The following KAT6A variants were observed in gnomAD, a reference collection of about 807,000 sequenced individuals.
KAT6A encodes histone acetyltransferase KAT6A.
Under a neutral mutation model 198.4 loss-of-function variants are expected in KAT6A, and 9 were observed. The observed-to-expected ratio is 0.05, with a 90% CI of 0.03 to 0.08. KAT6A has a LOEUF of 0.08. Ranked by LOEUF, KAT6A falls within the 10% of genes least tolerant of loss-of-function variation. The pLI, the probability that KAT6A is intolerant of heterozygous loss-of-function variation, is 1.00. For synonymous variants in KAT6A, 890 were observed against 883.0 expected, an observed-to-expected ratio of 1.01 and a Z score of -0.14; for missense variants, 2,077 against 2,509.9, an observed-to-expected ratio of 0.83 and a Z score of 3.69.
chr8:41,942,625 A>C, intron 14 of KAT6A, 168 bp downstream of exon 14: 1 of 741,716 alleles, frequency 1.3e-6, no homozygotes, highest in Non-Finnish European at 2.1e-6. Context: ...ATACTTAAGT[A>C]AACCAGGTCC....
At chr8:42,046,819 T>C (rs1802332510) in intron 2 of KAT6A, among the ~76,000 whole-genome samples, 1 of 152,210 alleles carries the variant, frequency 6.6e-6, no homozygotes, top group African/African-American at 2.4e-5. Context: ...ATGCTCAAAT[T>C]ACATAGAGCC....
intron 3 of KAT6A, among the ~76,000 whole-genome samples, chr8:41,985,854 TA>T (rs913058931): frequency 7.9e-5 from 12 of 152,232 alleles, no homozygotes; most frequent in Non-Finnish European, 1.6e-4. Context: ...GTTATCACTA[TA>T]AAACACTGAA....
chr8:42,004,149 A>T (rs1476700759), intron 2 of KAT6A, among the ~76,000 whole-genome samples: 1 of 152,212 alleles, frequency 6.6e-6, no homozygotes. Flanking sequence ...ATATATAATA[A>T]AACTAGCTCC....
At chr8:42,045,620 A>G (rs957022428) in intron 2 of KAT6A, among the ~76,000 whole-genome samples, 4 of 151,602 alleles carry the variant, frequency 2.6e-5, no homozygotes, top group Non-Finnish European at 5.9e-5. Flanking sequence ...GCAAATGGGC[A>G]TTTCTTTTTC....
At chr8:41,996,872 A>T (rs1193579543) in intron 2 of KAT6A, among the ~76,000 whole-genome samples, 1 of 152,212 alleles carries the variant, frequency 6.6e-6, no homozygotes, top group African/African-American at 2.4e-5. Flanking sequence ...CTTATGTTCA[A>T]CTATAATTAT....
chr8:42,042,188 G>A (rs1827701489), intron 2 of KAT6A, among the ~76,000 whole-genome samples: 1 of 152,204 alleles, frequency 6.6e-6, no homozygotes, highest in African/African-American at 2.4e-5. Context: ...GCCGGGCACG[G>A]TGGCTCACGC....
chr8:42,022,924 G>A (rs910995304), intron 2 of KAT6A, among the ~76,000 whole-genome samples: 1 of 152,158 alleles, frequency 6.6e-6, no homozygotes, highest in Admixed American at 6.5e-5. Flanking sequence ...TAATGATGGG[G>A]ATTCATGCTG....
At chr8:41,979,134 G>A (rs1006808655) in intron 5 of KAT6A, among the ~76,000 whole-genome samples, 1 of 151,638 alleles carries the variant, frequency 6.6e-6, no homozygotes, top group African/African-American at 2.4e-5. Context: ...TGGGCATGGT[G>A]GTACGTGCCT....
At position 42,001,320 on chromosome 8, in the gene KAT6A, A is replaced by G. The variant is rs74321597; in HGVS notation, c.601-13757T>C. On this transcript the variant is annotated intron_variant, in intron 2 of 16. Coordinates refer to ENST00000265713, the MANE Select transcript of KAT6A (RefSeq NM_006766.5). The stretch of plus-strand genomic sequence containing the variant: ...CTAATAAGACCTTTTATTTTAACAC[A>G]GCACATTAGTGTCTCTGTAACTAAG... Among the ~76,000 whole-genome samples, 659 of 152,344 alleles carry G rather than the reference A, an allele frequency of 4.3e-3. 10 individuals are homozygous for G. The highest frequency in any genetic ancestry group is 0.015 in the African/African-American group (626 of 41,582).
Position 41,929,671 on chromosome 8 carries a change from T to A in KAT6A, c.*2534A>T, listed in dbSNP as rs1587701798. The A allele has an allele frequency of 5.2e-6, 1 of 194,082 alleles. No individual in the cohort carries two copies. Among genetic ancestry groups the A allele is most frequent in the Non-Finnish European group, 1.1e-5 (1 of 93,028 alleles). The allele number at this position is 194,082 out of a possible 1,614,324, so 12.0% of individuals were successfully genotyped here. A position where few individuals can be genotyped will look rare whatever the true frequency, so the allele number is the denominator to read the frequency against. On this transcript the variant is annotated 3_prime_UTR_variant, in exon 17 of 17. Transcript: ENST00000265713. ...CTTCCCCTTAGCTTACAAGTCACCATGAACAAAGTACAAAGAGGTTACAAA... is the reference window on the plus strand; with the variant it reads ...CTTCCCCTTAGCTTACAAGTCACCAAGAACAAAGTACAAAGAGGTTACAAA...
chr8:41,957,378 G>C (rs1024367321), intron 8 of KAT6A: 2 of 475,100 alleles, frequency 4.2e-6, no homozygotes, highest in South Asian at 1.7e-5. Context: ...CAGGGAGGAA[G>C]AAATGGCTAC....
intron 2 of KAT6A, among the ~76,000 whole-genome samples, chr8:42,044,623 C>T (rs1460984305): frequency 6.6e-6 from 1 of 152,012 alleles, no homozygotes; most frequent in Non-Finnish European, 1.5e-5. Flanking sequence ...AGAATTGATA[C>T]CAGAAAAAGT....
intron 5 of KAT6A, among the ~76,000 whole-genome samples, chr8:41,979,989 T>A (rs369887948): frequency 1.3e-5 from 2 of 152,010 alleles, no homozygotes; most frequent in Non-Finnish European, 2.9e-5. Context: ...GGTGAGGGGG[T>A]GGAATAAGTG....
At chr8:41,943,149 C>T in intron 13 of KAT6A, 149 bp from the exon 14 acceptor site, 1 of 1,038,624 alleles carries the variant, frequency 9.6e-7, no homozygotes, top group South Asian at 1.6e-5. Flanking sequence ...AAATGTGCCA[C>T]CACATGAGAC....
intron 6 of KAT6A, 66 bp from the exon 7 acceptor site, chr8:41,977,393 C>T (rs931739744): frequency 2.8e-6 from 3 of 1,084,668 alleles, no homozygotes; most frequent in Admixed American, 2.3e-5. Context: ...CTTTTTAATA[C>T]ATAACATATA....
chr8:42,003,115 G>C (rs566314989), intron 2 of KAT6A, among the ~76,000 whole-genome samples: 2 of 152,270 alleles, frequency 1.3e-5, no homozygotes, highest in Admixed American at 6.5e-5. Flanking sequence ...GAACACACTA[G>C]AGGAAGACTA....
chr8:41,963,095 C>T (rs1823291239), intron 8 of KAT6A, among the ~76,000 whole-genome samples: 1 of 152,186 alleles, frequency 6.6e-6, no homozygotes, highest in Non-Finnish European at 1.5e-5. Context: ...CCCATTCCAA[C>T]CCAAACTAAA....
At chr8:42,035,600 G>A (rs1406864645) in intron 2 of KAT6A, among the ~76,000 whole-genome samples, 2 of 152,190 alleles carry the variant, frequency 1.3e-5, no homozygotes, top group Admixed American at 1.3e-4. Context: ...AAGATGGGAG[G>A]AAGGGGGAGA....
At chr8:41,996,160 G>C (rs1825191961) in intron 2 of KAT6A, among the ~76,000 whole-genome samples, 2 of 152,280 alleles carry the variant, frequency 1.3e-5, no homozygotes, top group South Asian at 4.1e-4. Context: ...AGTTAAGACT[G>C]AATTGAATGA....
Sources: gnomAD v4.1 joint callset for allele counts (sites outside exome capture counted in the v4.1 genomes callset) on GRCh38, gnomAD v4.1.1 for gene constraint, MANE v1.5 for transcripts, NCBI Gene and HGNC (gene_info 2026-07-23, HGNC 2026-07-21) for gene names.